The following GLYATL2 variants were observed in gnomAD, a reference collection of about 807,000 sequenced individuals.
GLYATL2 encodes glycine N-acyltransferase-like protein 2.
In GLYATL2, 25 loss-of-function variants were observed where a neutral mutation model predicts 21.4. The ratio of observed to expected loss-of-function variants is 1.17; its 90% CI spans 0.85 to 1.63. The LOEUF is 1.63. Among genes scored for constraint, GLYATL2 ranks in the 40% most tolerant of loss-of-function variants. The pLI, the probability that GLYATL2 is intolerant of heterozygous loss-of-function variation, is 0.00. For missense variants in GLYATL2, 361 were observed against 343.3 expected, an observed-to-expected ratio of 1.05 and a Z score of -0.41; for synonymous variants, 114 against 118.2, an observed-to-expected ratio of 0.96 and a Z score of 0.23.
chr11:58,842,111 T>C (rs1853563783), intron 1 of GLYATL2, among the ~76,000 whole-genome samples: 1 of 152,286 alleles, frequency 6.6e-6, no homozygotes, highest in Non-Finnish European at 1.5e-5. Flanking sequence ...CATAGAAAGG[T>C]GACAGAAATT....
At position 58,842,622 on chromosome 11, in the gene GLYATL2, G is replaced by A. The variant is rs149584187; in HGVS notation, c.-41+1812C>T. ...CACTTGCTCCCCTGAACTGGAAAAA[G>A]CCAGTTGAAAAATGAATGAATGAAT... On this transcript the variant is annotated intron_variant, in intron 1 of 5. Transcript: ENST00000287275. Among the ~76,000 whole-genome samples the A allele has an allele frequency of 5.0e-3, 763 of 151,834 alleles. 8 individuals carry two copies. The highest frequency in any genetic ancestry group is 0.018 in the African/African-American group (731 of 41,354).
At chr11:58,883,053 GC>G in intron 1 of GLYATL2, among the ~76,000 whole-genome samples, 1 of 152,110 alleles carries the variant, frequency 6.6e-6, no homozygotes, top group Non-Finnish European at 1.5e-5. Context: ...TTTTTTGATT[GC>G]ATATGAACTT....
At chr11:58,902,756 G>A (rs1010545717) in intron 1 of GLYATL2, among the ~76,000 whole-genome samples, 1 of 152,162 alleles carries the variant, frequency 6.6e-6, no homozygotes, top group Non-Finnish European at 1.5e-5. Context: ...ATAAAATCCA[G>A]CCAACAAGAT....
intron 1 of GLYATL2, among the ~76,000 whole-genome samples, chr11:58,878,898 G>A (rs755281418): frequency 6.6e-6 from 1 of 152,166 alleles, no homozygotes; most frequent in Non-Finnish European, 1.5e-5. Context: ...TTAAAAATGA[G>A]GGTCCTCAGT....
chr11:58,896,935 A>ACC (rs1554980965), intron 1 of GLYATL2, among the ~76,000 whole-genome samples: 9 of 151,950 alleles, frequency 5.9e-5, no homozygotes, highest in Admixed American at 5.9e-4. Flanking sequence ...GGAAGATTCC[A>ACC]CCTCCTGTTC....
At chr11:58,893,756 A>C (rs1321634897) in intron 1 of GLYATL2, among the ~76,000 whole-genome samples, 1 of 152,202 alleles carries the variant, frequency 6.6e-6, no homozygotes, top group Non-Finnish European at 1.5e-5. Flanking sequence ...TACCTCTGGG[A>C]ATCAGAACTC....
intron 1 of GLYATL2, among the ~76,000 whole-genome samples, chr11:58,851,232 A>G (rs1422972869): frequency 2.6e-5 from 4 of 152,034 alleles, no homozygotes; most frequent in African/African-American, 9.7e-5. Flanking sequence ...CTTTTCTTTT[A>G]TCTCTTTGTC....
chr11:58,849,101 T>C (rs1406796270), upstream of GLYATL2, among the ~76,000 whole-genome samples: 1 of 152,158 alleles, frequency 6.6e-6, no homozygotes, highest in Non-Finnish European at 1.5e-5. Context: ...AAAAATATTC[T>C]TCAAAAATGA....
At chr11:58,880,187 T>A (rs1854308742) in intron 1 of GLYATL2, among the ~76,000 whole-genome samples, 1 of 151,668 alleles carries the variant, frequency 6.6e-6, no homozygotes, top group Non-Finnish European at 1.5e-5. Flanking sequence ...TGGGGAGGGG[T>A]CTACCCAGGA....
At chr11:58,859,005 T>C (rs534132) in intron 1 of GLYATL2, among the ~76,000 whole-genome samples, 134,993 of 152,166 alleles carry the variant, frequency 0.89, 61,045 homozygotes, top group Non-Finnish European at 0.98. Context: ...GACCAGATAC[T>C]AATTTGGGAG....
intron 1 of GLYATL2, among the ~76,000 whole-genome samples, chr11:58,841,848 TG>T (rs1853559144): frequency 6.6e-6 from 1 of 152,150 alleles, no homozygotes; most frequent in African/African-American, 2.4e-5. Flanking sequence ...GTACTAAAGA[TG>T]GCAGTGCATT....
intron 1 of GLYATL2, among the ~76,000 whole-genome samples, chr11:58,902,856 C>T (rs1215338876): frequency 6.6e-6 from 1 of 152,314 alleles, no homozygotes; most frequent in African/African-American, 2.4e-5. Context: ...TAAGCATTAG[C>T]TGAAAGTGAG....
At chr11:58,878,309 C>T (rs1854274415) in intron 1 of GLYATL2, 1 of 528,964 alleles carries the variant, frequency 1.9e-6, no homozygotes, top group African/African-American at 2.0e-5. Flanking sequence ...CCCAGGAGCG[C>T]TAAGTGAACA....
At chr11:58,895,998 G>A (rs146738864) in intron 1 of GLYATL2, among the ~76,000 whole-genome samples, 39 of 152,006 alleles carry the variant, frequency 2.6e-4, no homozygotes, top group African/African-American at 7.0e-4. Context: ...GATTACAGGC[G>A]CCCACCACCA....
intron 1 of GLYATL2, among the ~76,000 whole-genome samples, chr11:58,857,445 C>T (rs1382504310): frequency 3.3e-5 from 5 of 152,196 alleles, no homozygotes; most frequent in Non-Finnish European, 7.3e-5. Flanking sequence ...CCTCCCACTG[C>T]CTAGACCTGG....
chr11:58,903,320 T>C (rs565209009), intron 1 of GLYATL2, among the ~76,000 whole-genome samples: 1 of 152,288 alleles, frequency 6.6e-6, no homozygotes, highest in African/African-American at 2.4e-5. Flanking sequence ...GTATTTATCA[T>C]TTGCCATGAT....
intron 1 of GLYATL2, among the ~76,000 whole-genome samples, chr11:58,891,604 C>G (rs927277116): frequency 6.6e-6 from 1 of 152,188 alleles, no homozygotes; most frequent in Non-Finnish European, 1.5e-5. Context: ...GCCCCTTTCC[C>G]TCCACCCTCT....
At chr11:58,865,189 G>T (rs1386494203) in intron 1 of GLYATL2, among the ~76,000 whole-genome samples, 1 of 148,372 alleles carries the variant, frequency 6.7e-6, no homozygotes, top group Admixed American at 7.0e-5. Context: ...GAAAACTACT[G>T]TTGGCCTCTT....
At chr11:58,905,447 G>T (rs574582777), upstream of GLYATL2, 3 of 455,682 alleles carry the variant, frequency 6.6e-6, no homozygotes, top group Non-Finnish European at 1.3e-5. Context: ...GGGCAGCAAT[G>T]GCCACACACC....
Sources: allele counts gnomAD v4.1 joint callset (sites outside exome capture counted in the v4.1 genomes callset), GRCh38; gene constraint gnomAD v4.1.1; transcripts MANE v1.5; gene names NCBI Gene and HGNC (gene_info 2026-07-23, HGNC 2026-07-21).